Variants in CDH13 observed in about 807,000 individuals in gnomAD.
CDH13 encodes the protein cadherin-13.
CDH13 carries 24 observed loss-of-function variants against 63.8 expected under a neutral mutation model. The ratio of observed to expected loss-of-function variants is 0.38; its 90% CI spans 0.27 to 0.53. The LOEUF (loss-of-function observed/expected upper bound fraction) is 0.53, where lower values mean the gene tolerates loss of function less well. CDH13 is among the 20% of genes least tolerant of loss of function. The pLI is 0.85. For missense variants in CDH13, 1,049 were observed against 903.1 expected, an observed-to-expected ratio of 1.16 and a Z score of -2.07; for synonymous variants, 503 against 355.3, an observed-to-expected ratio of 1.42 and a Z score of -4.67.
chr16:82,850,665 A>T (rs2039444640), intron 1 of CDH13, among the ~76,000 whole-genome samples: 1 of 152,186 alleles, frequency 6.6e-6, no homozygotes, highest in Admixed American at 6.5e-5. Context: ...ATCATTCGTG[A>T]AAGGAAGAGT....
intron 8 of CDH13, among the ~76,000 whole-genome samples, chr16:83,610,207 C>A (rs971918354): frequency 6.6e-6 from 1 of 151,936 alleles, no homozygotes; most frequent in Non-Finnish European, 1.5e-5. Context: ...TCTTTATCTG[C>A]GTTTTCTCTC....
intron 4 of CDH13, among the ~76,000 whole-genome samples, chr16:83,170,010 C>G (rs929955179): frequency 2.0e-5 from 3 of 152,046 alleles, no homozygotes; most frequent in Admixed American, 2.0e-4. Flanking sequence ...AATTTTCCTT[C>G]CAAATGTTAT....
chr16:83,049,252 G>T (rs1360445948), intron 3 of CDH13, among the ~76,000 whole-genome samples: 3 of 150,764 alleles, frequency 2.0e-5, no homozygotes, highest in African/African-American at 7.3e-5. Context: ...CCAGCTCCTG[G>T]CTTTATGTAT....
rs2037162312 is a variant in CDH13, at chr16:82,806,672, T to C, written c.46-51690T>C. Among the ~76,000 whole-genome samples the C allele has an allele frequency of 2.0e-5, 3 of 152,142 alleles. 1 individual carries two copies. In the South Asian group the frequency reaches 6.2e-4, roughly 32 times the overall value. On this transcript the variant is annotated intron_variant, in intron 1 of 13. Transcript: ENST00000567109. Reference sequence around the variant, plus strand: ...GGTGGGATTTTTGTTGTTGTTGTTGTTGTTAAGCAAAGATGATTTCCAAGC... The same window carrying C: ...GGTGGGATTTTTGTTGTTGTTGTTGCTGTTAAGCAAAGATGATTTCCAAGC...
At chr16:83,112,585 G>T (rs1202465386) in intron 3 of CDH13, among the ~76,000 whole-genome samples, 1 of 152,126 alleles carries the variant, frequency 6.6e-6, no homozygotes, top group Non-Finnish European at 1.5e-5. Context: ...GGGTAATGTG[G>T]TTACTTCCTT....
chr16:82,801,935 A>G (rs1466493675), intron 1 of CDH13, among the ~76,000 whole-genome samples: 1 of 152,172 alleles, frequency 6.6e-6, no homozygotes, highest in African/African-American at 2.4e-5. Flanking sequence ...GCAGGAAACT[A>G]CAGTAAGGAG....
chr16:83,049,405 A>G (rs1388689727), intron 3 of CDH13, among the ~76,000 whole-genome samples: 3 of 128,440 alleles, frequency 2.3e-5, no homozygotes, highest in East Asian at 2.3e-4. Flanking sequence ...TGCGATCTCT[A>G]TTCACTGCAA....
chr16:82,836,709 T>C (rs2038783683), intron 1 of CDH13, among the ~76,000 whole-genome samples: 1 of 152,190 alleles, frequency 6.6e-6, no homozygotes, highest in African/African-American at 2.4e-5. Context: ...GCCGACTTCC[T>C]GCATTCTGTG....
intron 7 of CDH13, among the ~76,000 whole-genome samples, chr16:83,534,066 C>CT (rs1213540515): frequency 1.3e-5 from 2 of 152,190 alleles, no homozygotes; most frequent in Non-Finnish European, 2.9e-5. Flanking sequence ...GGCACCACCT[C>CT]TATCTATATT....
chr16:82,926,905 C>G (rs572409582), intron 2 of CDH13, among the ~76,000 whole-genome samples: 1 of 152,168 alleles, frequency 6.6e-6, no homozygotes, highest in Non-Finnish European at 1.5e-5. Flanking sequence ...CATAAACTTA[C>G]CATCTTAAAG....
rs117916613 is a variant in CDH13 at position 83,227,913 on chromosome 16, C to G, written c.636+10416C>G. Among the ~76,000 whole-genome samples the G allele has an allele frequency of 4.5e-3, 684 of 152,308 alleles. 5 individuals are homozygous for G. The highest frequency in any genetic ancestry group is 0.017 in the Middle Eastern group (5 of 294). ...CTGGGGATACAGCAGCAAACAACCACCAAATCCCTGCTTCATGGAGCTCTG... is the reference window on the plus strand; with the variant it reads ...CTGGGGATACAGCAGCAAACAACCAGCAAATCCCTGCTTCATGGAGCTCTG... On this transcript the variant is annotated intron_variant, in intron 5 of 13. Transcript: ENST00000567109.
intron 5 of CDH13, among the ~76,000 whole-genome samples, chr16:83,278,687 A>G (rs2089068638): frequency 6.6e-6 from 1 of 152,176 alleles, no homozygotes; most frequent in Non-Finnish European, 1.5e-5. Flanking sequence ...ATTCCAGGGT[A>G]GTCTTTCATA....
chr16:83,004,059 C>T (rs1444489261), intron 2 of CDH13, among the ~76,000 whole-genome samples: 1 of 152,148 alleles, frequency 6.6e-6, no homozygotes, highest in East Asian at 1.9e-4. Flanking sequence ...AAAATATTCT[C>T]AGTCAATGAC....
At chr16:82,717,055 C>G (rs749467413) in intron 1 of CDH13, among the ~76,000 whole-genome samples, 2 of 151,960 alleles carry the variant, frequency 1.3e-5, no homozygotes, top group African/African-American at 4.8e-5. Context: ...TGTCCCCTTG[C>G]TGAAGTTAGT....
At chr16:83,633,204 T>C (rs549492801) in intron 8 of CDH13, among the ~76,000 whole-genome samples, 3 of 151,818 alleles carry the variant, frequency 2.0e-5, no homozygotes, top group Non-Finnish European at 4.4e-5. Flanking sequence ...CTCCTGACAA[T>C]GCAACCCAGT....
intron 7 of CDH13, among the ~76,000 whole-genome samples, chr16:83,535,858 A>C (rs2075173562): frequency 6.6e-6 from 1 of 151,096 alleles, no homozygotes; most frequent in Non-Finnish European, 1.5e-5. Flanking sequence ...GGAGGGAGGG[A>C]AGGAAGGAAG....
chr16:83,234,903 C>G (rs1156972313), intron 5 of CDH13, among the ~76,000 whole-genome samples: 1 of 152,162 alleles, frequency 6.6e-6, no homozygotes, highest in Non-Finnish European at 1.5e-5. Flanking sequence ...ACTCTGTTAA[C>G]TGCTTGGTTT....
At chr16:82,646,475 T>A (rs903377159) in intron 1 of CDH13, 7 of 152,222 alleles carry the variant, frequency 4.6e-5, no homozygotes, top group African/African-American at 1.7e-4. Context: ...ATTACAGACA[T>A]GAGTCACCGC....
intron 5 of CDH13, among the ~76,000 whole-genome samples, chr16:83,246,727 G>C (rs1905032560): frequency 6.6e-6 from 1 of 152,170 alleles, no homozygotes; most frequent in African/African-American, 2.4e-5. Context: ...CGCCGGTGTT[G>C]CTGCCAGAAG....
Sources: allele counts gnomAD v4.1 joint callset (sites outside exome capture counted in the v4.1 genomes callset), GRCh38; gene constraint gnomAD v4.1.1; transcripts MANE v1.5; gene names NCBI Gene and HGNC (gene_info 2026-07-23, HGNC 2026-07-21).